DACH1: variants seen among roughly 807,000 people sequenced by gnomAD.
DACH1 encodes dachshund family transcription factor 1, also known as dachshund homolog 1.
Under a neutral mutation model 54.2 loss-of-function variants are expected in DACH1, and 12 were observed. That is an observed-to-expected ratio of 0.22 (90% confidence interval 0.14 to 0.36). The LOEUF (loss-of-function observed/expected upper bound fraction) is 0.36, where lower values mean the gene tolerates loss of function less well. Ranked by LOEUF, DACH1 falls within the 10% of genes least tolerant of loss-of-function variation. The probability of loss-of-function intolerance (pLI) is 1.00; values close to 1 mark genes in which losing one functional copy is unlikely to be tolerated. For missense variants in DACH1, 805 were observed against 929.8 expected, an observed-to-expected ratio of 0.87 and a Z score of 1.75; for synonymous variants, 386 against 366.2, an observed-to-expected ratio of 1.05 and a Z score of -0.62.
At chr13:71,808,727 A>C (rs545752735) in intron 1 of DACH1, among the ~76,000 whole-genome samples, 1 of 152,198 alleles carries the variant, frequency 6.6e-6, no homozygotes, top group Non-Finnish European at 1.5e-5. Flanking sequence ...TTAGTTATTC[A>C]AGGTAAAACT....
intron 3 of DACH1, among the ~76,000 whole-genome samples, chr13:71,598,072 C>T (rs924518985): frequency 4.9e-5 from 7 of 142,642 alleles, no homozygotes; most frequent in African/African-American, 1.9e-4. Flanking sequence ...AGAGCAAGAC[C>T]CTGTCAAAAA....
intron 1 of DACH1, among the ~76,000 whole-genome samples, chr13:71,780,494 CAG>C (rs1041113036): frequency 6.6e-6 from 1 of 151,828 alleles, no homozygotes; most frequent in African/African-American, 2.4e-5. Flanking sequence ...CGGTATGAAA[CAG>C]AGGCTACCAC....
chr13:71,460,888 C>T (rs1035797779), intron 10 of DACH1, among the ~76,000 whole-genome samples: 3 of 152,128 alleles, frequency 2.0e-5, no homozygotes, highest in Admixed American at 2.0e-4. Context: ...TGAAGAATTA[C>T]AAGAAATGTA....
intron 1 of DACH1, among the ~76,000 whole-genome samples, chr13:71,859,841 G>A (rs1002167803): frequency 2.0e-5 from 3 of 151,858 alleles, no homozygotes; most frequent in Non-Finnish European, 4.4e-5. Flanking sequence ...ATAAAAGTTA[G>A]TTACAAGACA....
chr13:71,861,144 AAGC>A (rs1301600579), intron 1 of DACH1, among the ~76,000 whole-genome samples: 1 of 151,984 alleles, frequency 6.6e-6, no homozygotes, highest in African/African-American at 2.4e-5. Context: ...TCCAAAAAAA[AAGC>A]AGATTTGGAC....
intron 6 of DACH1, among the ~76,000 whole-genome samples, chr13:71,504,056 C>A (rs7993902): frequency 0.89 from 135,097 of 152,094 alleles, 61,766 homozygotes; most frequent in Non-Finnish European, 0.99. Context: ...AATTCCTGGA[C>A]CTCTACTATA....
intron 1 of DACH1, among the ~76,000 whole-genome samples, chr13:71,736,237 T>G (rs1884111852): frequency 6.6e-6 from 1 of 152,162 alleles, no homozygotes; most frequent in African/African-American, 2.4e-5. Context: ...ACACATATAG[T>G]CTAGGCTGTT....
At chr13:71,703,121 T>G (rs769699869) in intron 1 of DACH1, among the ~76,000 whole-genome samples, 1 of 152,156 alleles carries the variant, frequency 6.6e-6, no homozygotes, top group Non-Finnish European at 1.5e-5. Flanking sequence ...CTTAGCAGAG[T>G]CAAAAGATAA....
intron 10 of DACH1, among the ~76,000 whole-genome samples, chr13:71,457,541 C>T (rs113531879): frequency 0.01 from 1,592 of 151,978 alleles, 36 homozygotes; most frequent in African/African-American, 0.035. Context: ...AAAAAAGCTG[C>T]TTTATGTTTT....
intron 7 of DACH1, among the ~76,000 whole-genome samples, chr13:71,486,079 CA>C (rs1209370271): frequency 6.6e-6 from 1 of 151,418 alleles, no homozygotes; most frequent in Non-Finnish European, 1.5e-5. Context: ...AAATAACTGA[CA>C]AAAATTTAAT....
At chr13:71,515,420 T>C (rs1180808951) in intron 6 of DACH1, among the ~76,000 whole-genome samples, 5 of 151,970 alleles carry the variant, frequency 3.3e-5, no homozygotes, top group East Asian at 1.9e-4. Context: ...TGTGATAACA[T>C]GTTAAAATTA....
At chr13:71,612,822 G>A (rs777010868) in intron 3 of DACH1, among the ~76,000 whole-genome samples, 3 of 152,126 alleles carry the variant, frequency 2.0e-5, no homozygotes, top group Non-Finnish European at 4.4e-5. Context: ...AGCATCTAGA[G>A]GAATTCCATG....
At chr13:71,823,631 G>A (rs1319709418) in intron 1 of DACH1, among the ~76,000 whole-genome samples, 2 of 151,820 alleles carry the variant, frequency 1.3e-5, no homozygotes, top group African/African-American at 2.4e-5. Context: ...TTAAACATAA[G>A]GCTAAAAGAA....
At chr13:71,459,517 G>T (rs975454655) in intron 10 of DACH1, among the ~76,000 whole-genome samples, 1 of 151,706 alleles carries the variant, frequency 6.6e-6, no homozygotes, top group African/African-American at 2.4e-5. Flanking sequence ...TTTTTTTATG[G>T]GATGTCTTTA....
intron 3 of DACH1, among the ~76,000 whole-genome samples, chr13:71,602,290 A>C (rs1874551921): frequency 1.3e-5 from 2 of 152,092 alleles, no homozygotes; most frequent in South Asian, 4.1e-4. Context: ...GCATAATTGC[A>C]AGTCACTAAA....
In DACH1 at chr13:71,487,568, G is replaced by T. The variant is rs189999673; in HGVS notation, c.1722+1429C>A. Among the ~76,000 whole-genome samples the T allele has an allele frequency of 2.6e-5, 4 of 152,294 alleles. 1 individual carries two copies. Among genetic ancestry groups the T allele is most frequent in the Admixed American group, 2.6e-4 (4 of 15,302 alleles). ...TGTAGTGGTCATATACAATTCAAGA[G>T]TCCATGTGTCAAACCTGCTCTTCAG... On this transcript the variant is annotated intron_variant, in intron 7 of 10. Transcript: ENST00000613252.
chr13:71,823,104 TA>T (rs998280505), intron 1 of DACH1, among the ~76,000 whole-genome samples: 3 of 152,074 alleles, frequency 2.0e-5, no homozygotes, highest in Non-Finnish European at 2.9e-5. Context: ...GTTCATAAAT[TA>T]AAAAATAAAA....
intron 1 of DACH1, among the ~76,000 whole-genome samples, chr13:71,850,976 A>G (rs1873620594): frequency 1.3e-5 from 2 of 152,246 alleles, no homozygotes; most frequent in Non-Finnish European, 2.9e-5. Context: ...TACTAGTTCA[A>G]AAGAAATGCA....
At chr13:71,648,246 T>C (rs1878431833) in intron 2 of DACH1, among the ~76,000 whole-genome samples, 1 of 152,192 alleles carries the variant, frequency 6.6e-6, no homozygotes, top group Non-Finnish European at 1.5e-5. Flanking sequence ...CACTCAAACT[T>C]TTCCAGTAAC....
Sources: gnomAD v4.1 joint callset for allele counts (sites outside exome capture counted in the v4.1 genomes callset) on GRCh38, gnomAD v4.1.1 for gene constraint, MANE v1.5 for transcripts, NCBI Gene and HGNC (gene_info 2026-07-23, HGNC 2026-07-21) for gene names.